Variants in CPS1 observed in about 807,000 individuals in gnomAD.
CPS1 encodes carbamoyl-phosphate synthase 1.
A neutral mutation model predicts 174.6 loss-of-function variants in CPS1; 109 were observed. The ratio of observed to expected loss-of-function variants is 0.62; its 90% CI spans 0.53 to 0.73. The LOEUF (loss-of-function observed/expected upper bound fraction) is 0.73, where lower values mean the gene tolerates loss of function less well. CPS1 is among the 30% of genes least tolerant of loss of function. The pLI is 0.00. For synonymous variants in CPS1, 637 were observed against 632.0 expected, an observed-to-expected ratio of 1.01 and a Z score of -0.12; for missense variants, 1,689 against 1,821.9, an observed-to-expected ratio of 0.93 and a Z score of 1.33.
intron 1 of CPS1, among the ~76,000 whole-genome samples, chr2:210,557,987 TG>T (rs1018129073): frequency 2.1e-5 from 3 of 142,376 alleles, no homozygotes; most frequent in African/African-American, 5.3e-5. Context: ...GGAAGAGAGA[TG>T]GAGACAGGGG....
At chr2:210,552,300 A>C (rs970983767), upstream of CPS1, among the ~76,000 whole-genome samples, 6 of 151,146 alleles carry the variant, frequency 4.0e-5, no homozygotes, top group African/African-American at 1.5e-4. Context: ...TTTTTTTTTC[A>C]TGACTCCTAA....
At position 210,582,111 on chromosome 2, in the gene CPS1, A is replaced by C. The variant is rs60412797; in HGVS notation, c.529-506A>C. Among the ~76,000 whole-genome samples, 9 of 152,306 alleles carry C rather than the reference A, an allele frequency of 5.9e-5. No homozygotes were observed. In the South Asian group the frequency reaches 1.7e-3, roughly 28 times the overall value. On this transcript the variant is annotated intron_variant, in intron 5 of 37. Transcript: ENST00000233072. ...GGATATGAACATGCCTAAACAGTGA[A>C]TATTTTCATTTCAAATTCTAGAAGT...
chr2:210,591,760 TA>T (rs1472567019), intron 9 of CPS1, 70 bp from the exon 10 acceptor site: 57 of 1,533,416 alleles, frequency 3.7e-5, no homozygotes, highest in Non-Finnish European at 4.8e-5. Context: ...TTCACTACTT[TA>T]TAAGGAATAC....
upstream of CPS1, among the ~76,000 whole-genome samples, chr2:210,555,267 C>G (rs189083039): frequency 6.6e-4 from 101 of 152,098 alleles, no homozygotes; most frequent in Admixed American, 6.4e-3. Flanking sequence ...AATTTGCATC[C>G]TTCAGTATAA....
At chr2:210,536,619 C>T (rs1188136543) in intron 1 of CPS1, among the ~76,000 whole-genome samples, 6 of 152,170 alleles carry the variant, frequency 3.9e-5, no homozygotes, top group Non-Finnish European at 7.3e-5. Context: ...AGCCACTGCG[C>T]CTGGCCGTAT....
intron 1 of CPS1, among the ~76,000 whole-genome samples, chr2:210,517,861 G>A (rs1463682715): frequency 2.0e-5 from 3 of 151,852 alleles, no homozygotes; most frequent in African/African-American, 4.8e-5. Flanking sequence ...CCAACCAAAC[G>A]GTCATCCAAA....
At chr2:210,599,168 T>C (rs1371688695) in intron 13 of CPS1, among the ~76,000 whole-genome samples, 1 of 151,884 alleles carries the variant, frequency 6.6e-6, no homozygotes, top group East Asian at 2.0e-4. Flanking sequence ...CCAATTCTTT[T>C]GGATAGTTTC....
Position 210,616,336 on chromosome 2 carries a change from C to T in CPS1, c.2569-87C>T, listed in dbSNP as rs1254038821. ...AGTCTCGGGCTCTCTAAATAACACA[C>T]AGAGGCATGACTGCTATGTATTTTA... On this transcript the variant is annotated intron_variant, in intron 20 of 37. Coordinates refer to ENST00000233072, the MANE Select transcript of CPS1 (RefSeq NM_001875.5). The T allele has an allele frequency of 1.0e-5, 9 of 880,204 alleles. No homozygotes were observed. In the Admixed American group the frequency reaches 1.4e-4, roughly 13 times the overall value. 54.5% of individuals were successfully genotyped at this position (880,204 alleles called of 1,614,324 possible). A position where few individuals can be genotyped will look rare whatever the true frequency, so the allele number is the denominator to read the frequency against.
intron 1 of CPS1, among the ~76,000 whole-genome samples, chr2:210,479,813 AAATGT>A (rs769187334): frequency 3.0e-4 from 45 of 152,210 alleles, no homozygotes; most frequent in Non-Finnish European, 5.7e-4. Flanking sequence ...TTTTTTAAAA[AAATGT>A]AATGTTCCTT....
intron 1 of CPS1, among the ~76,000 whole-genome samples, chr2:210,570,439 T>G (rs1297687183): frequency 6.6e-6 from 1 of 151,896 alleles, no homozygotes; most frequent in Admixed American, 6.6e-5. Flanking sequence ...TTATGCTAAT[T>G]TTTACCCTTC....
intron 22 of CPS1, 28 bp downstream of exon 22, chr2:210,637,871 C>G (rs763551289): frequency 1.2e-6 from 2 of 1,613,070 alleles, no homozygotes; most frequent in South Asian, 2.2e-5. Context: ...TTCCCCCATC[C>G]CCCACTGACA....
intron 32 of CPS1, 130 bp from the exon 33 acceptor site, chr2:210,662,993 T>A (rs1239804558): frequency 1.2e-6 from 1 of 863,034 alleles, no homozygotes; most frequent in African/African-American, 2.3e-5. Context: ...ACCCAAGAGA[T>A]TTTTTACATG....
In CPS1 at chr2:210,518,540, A is replaced by G. The variant is rs34545810; in HGVS notation, c.4-38179A>G. On this transcript the variant is annotated intron_variant, in intron 1 of 38. Coordinates refer to the CPS1 transcript ENST00000430249. ...CTACTTTTTCTTCTTTCTTTTTTCT[A>G]TATGACTGGAATACAGATATGATGG... Among the ~76,000 whole-genome samples the G allele has an allele frequency of 7.7e-3, 1,175 of 152,096 alleles. 9 individuals carry two copies. The highest frequency in any genetic ancestry group is 0.013 in the Non-Finnish European group (876 of 67,942).
At chr2:210,552,070 T>C (rs1049644630), upstream of CPS1, among the ~76,000 whole-genome samples, 21 of 151,920 alleles carry the variant, frequency 1.4e-4, no homozygotes, top group Non-Finnish European at 8.8e-5. Flanking sequence ...CTTGTTATGA[T>C]ACTAAGGCTA....
intron 1 of CPS1, among the ~76,000 whole-genome samples, chr2:210,568,948 A>T (rs1697388415): frequency 6.6e-6 from 1 of 152,100 alleles, no homozygotes; most frequent in Non-Finnish European, 1.5e-5. Flanking sequence ...GTGGGGTAGG[A>T]GAGCATATGC....
At chr2:210,548,522 A>T (rs1696622917) in intron 1 of CPS1, among the ~76,000 whole-genome samples, 1 of 152,132 alleles carries the variant, frequency 6.6e-6, no homozygotes, top group Non-Finnish European at 1.5e-5. Context: ...ATACCAGAAT[A>T]AAACATTTAA....
intron 32 of CPS1, among the ~76,000 whole-genome samples, chr2:210,661,775 C>CTATATATGGAT (rs1192723344): frequency 5.3e-5 from 8 of 151,746 alleles, no homozygotes; most frequent in African/African-American, 1.9e-4. Flanking sequence ...TATTTTTTTC[C>CTATATATGGAT]ACTGGAGATT....
At chr2:210,564,435 C>T (rs1245036860) in intron 1 of CPS1, among the ~76,000 whole-genome samples, 1 of 151,492 alleles carries the variant, frequency 6.6e-6, no homozygotes, top group Non-Finnish European at 1.5e-5. Context: ...GAGTGCAGTG[C>T]TGCGATCTCG....
At chr2:210,504,224 A>G (rs1169933921) in intron 1 of CPS1, among the ~76,000 whole-genome samples, 1 of 152,160 alleles carries the variant, frequency 6.6e-6, no homozygotes, top group Non-Finnish European at 1.5e-5. Flanking sequence ...TCCATTGTTT[A>G]TTCTTCCCTA....
Sources: allele counts gnomAD v4.1 joint callset (sites outside exome capture counted in the v4.1 genomes callset), GRCh38; gene constraint gnomAD v4.1.1; transcripts MANE v1.5; gene names NCBI Gene and HGNC (gene_info 2026-07-23, HGNC 2026-07-21).